ST7: variants seen among roughly 807,000 people sequenced by gnomAD.
The protein encoded by ST7 is suppressor of tumorigenicity 7 protein.
ST7 carries 28 observed loss-of-function variants against 78.7 expected under a neutral mutation model. The observed-to-expected ratio is 0.36, with a 90% CI of 0.26 to 0.49. The LOEUF (loss-of-function observed/expected upper bound fraction) is 0.49. Ranked by LOEUF, ST7 falls within the 20% of genes least tolerant of loss-of-function variation. The pLI, the probability that ST7 is intolerant of heterozygous loss-of-function variation, is 0.99. For missense variants in ST7, 418 were observed against 696.0 expected (o/e 0.60, Z 4.49); for synonymous variants, 247 against 249.6 (o/e 0.99, Z 0.10).
chr7:116,956,893 GCTT>G (rs1237529392), intron 1 of ST7: 5 of 339,162 alleles, frequency 1.5e-5, no homozygotes, highest in Non-Finnish European at 2.9e-5. Context: ...GGCTGTGAGA[GCTT>G]CTCTTGAATT....
At chr7:116,953,792 C>T (rs564841753) in intron 1 of ST7, 101 bp downstream of exon 1, 1,708 of 812,536 alleles carry the variant, frequency 2.1e-3, no homozygotes, top group Non-Finnish European at 2.4e-3. Context: ...CTCGGGGACG[C>T]GCCGGGGCCC....
At chr7:117,097,908 A>ATATATATATATATATT in intron 1 of ST7, among the ~76,000 whole-genome samples, 8 of 30,004 alleles carry the variant, frequency 2.7e-4, no homozygotes, top group Admixed American at 5.5e-4. Flanking sequence ...ATATATATAT[A>ATATATATATATATATT]TTTTTTTTTT....
intron 9 of ST7, among the ~76,000 whole-genome samples, chr7:117,156,886 G>T (rs1281515563): frequency 6.6e-6 from 1 of 152,144 alleles, no homozygotes; most frequent in Non-Finnish European, 1.5e-5. Context: ...AGTATGTTAT[G>T]GTCAGAGCAT....
intron 1 of ST7, chr7:116,959,121 G>A: frequency 2.2e-6 from 1 of 456,806 alleles, no homozygotes; most frequent in Non-Finnish European, 4.4e-6. Flanking sequence ...TGAAGTTTAT[G>A]TAATATTCTA....
At chr7:116,984,735 CAG>C (rs1292374107) in intron 1 of ST7, among the ~76,000 whole-genome samples, 2 of 152,114 alleles carry the variant, frequency 1.3e-5, no homozygotes, top group Non-Finnish European at 2.9e-5. Flanking sequence ...AACACATGTG[CAG>C]AGTCAGTGCT....
chr7:117,139,148 T>C (rs1805055130), intron 9 of ST7, among the ~76,000 whole-genome samples: 1 of 152,172 alleles, frequency 6.6e-6, no homozygotes, highest in African/African-American at 2.4e-5. Context: ...GTTATTATTA[T>C]GTAACTTTAA....
chr7:116,976,196 G>A (rs971351733), intron 1 of ST7, among the ~76,000 whole-genome samples: 3 of 152,054 alleles, frequency 2.0e-5, no homozygotes, highest in Non-Finnish European at 4.4e-5. Flanking sequence ...CCCAGGAGAC[G>A]GAGTTTGCAG....
intron 3 of ST7, among the ~76,000 whole-genome samples, chr7:117,120,398 C>T (rs1307066314): frequency 6.6e-6 from 1 of 152,212 alleles, no homozygotes; most frequent in African/African-American, 2.4e-5. Flanking sequence ...CACATCACTC[C>T]TCTGCTTAAA....
chr7:116,958,340 A>G (rs1441991526), intron 1 of ST7, among the ~76,000 whole-genome samples: 1 of 152,034 alleles, frequency 6.6e-6, no homozygotes, highest in East Asian at 1.9e-4. Flanking sequence ...TCATGAATAC[A>G]GATGTAAAAC....
At chr7:117,148,138 C>T (rs1052423191) in intron 9 of ST7, among the ~76,000 whole-genome samples, 1 of 152,082 alleles carries the variant, frequency 6.6e-6, no homozygotes, top group Non-Finnish European at 1.5e-5. Context: ...TATTCACCTC[C>T]AACTGTTTAT....
intron 15 of ST7, chr7:117,222,909 A>C (rs1382919611): frequency 6.2e-7 from 1 of 1,614,050 alleles, no homozygotes; most frequent in Non-Finnish European, 8.5e-7. Context: ...GAATTGCAAG[A>C]GTATTTTCAT....
chr7:116,975,199 G>C (rs748336171), intron 1 of ST7, among the ~76,000 whole-genome samples: 1 of 152,138 alleles, frequency 6.6e-6, no homozygotes, highest in Non-Finnish European at 1.5e-5. Context: ...GCAAGAGAGC[G>C]TGTGCAGGGG....
chr7:117,075,641 A>G (rs539083698), intron 1 of ST7, among the ~76,000 whole-genome samples: 17 of 152,318 alleles, frequency 1.1e-4, no homozygotes, highest in South Asian at 2.1e-4. Flanking sequence ...CCAGTGTGAA[A>G]AAAGAGAGCT....
At chr7:117,223,945 A>G (rs1793281612) in intron 15 of ST7, 1 of 975,660 alleles carries the variant, frequency 1.0e-6, no homozygotes, top group African/African-American at 1.8e-5. Context: ...ATCAATGGAA[A>G]AATCAGATAC....
In ST7 at chr7:116,965,829, G is replaced by A. The variant is rs140912634; in HGVS notation, c.151+12138G>A. The A allele has an allele frequency of 1.2e-3, 201 of 168,408 alleles. 6 individuals carry two copies. The East Asian group carries it at 0.031, about 26-fold the overall frequency. 10.4% of individuals were successfully genotyped at this position (168,408 alleles called of 1,614,324 possible). ...GAGAACCTAAATTCAAAGTTTGCAT[G>A]AAATATGGTCAGCTGCTAAGATGAA... On this transcript the variant is annotated intron_variant, in intron 1 of 15. Transcript: ENST00000323984.
chr7:117,112,293 T>C (rs996719184), intron 2 of ST7: 2 of 152,186 alleles, frequency 1.3e-5, no homozygotes, highest in Non-Finnish European at 2.9e-5. Flanking sequence ...AGGAATGAGT[T>C]ATAACAAAAG....
chr7:117,121,476 A>G (rs896410426), intron 3 of ST7, among the ~76,000 whole-genome samples: 1 of 152,244 alleles, frequency 6.6e-6, no homozygotes, highest in Non-Finnish European at 1.5e-5. Context: ...AACAAAATTT[A>G]TGTATACACT....
chr7:117,138,521 A>C lies in ST7; in HGVS notation c.952A>C (p.Met318Leu). The change falls in exon 9 of 16, where the codon ATG becomes CTG. Residue 318 changes from methionine (M) to leucine (L), a missense_variant. This residue lies in a region of ST7 where 288 missense variants were observed against 537.1 expected (regional missense o/e 0.54). Coordinates refer to ENST00000323984, the MANE Select transcript of ST7 (RefSeq NM_001369598.1). ...RLGRTREAVK[M>L]MRDLMKEFPL... is the part of the protein sequence containing the mutation. ...CGGGAGGACCAGGGAAGCAGTGAAAATGATGAGAGATGTGAGTTTGAGTTT... is the reference window on the plus strand; with the variant it reads ...CGGGAGGACCAGGGAAGCAGTGAAACTGATGAGAGATGTGAGTTTGAGTTT... 1.2e-6 allele frequency: 2 copies of C among 1,601,324 alleles called. No individual in the cohort carries two copies. Among genetic ancestry groups the C allele is most frequent in the South Asian group, 2.2e-5 (2 of 89,064 alleles).
At chr7:117,153,282 A>T (rs1023567902) in intron 9 of ST7, among the ~76,000 whole-genome samples, 69 of 152,204 alleles carry the variant, frequency 4.5e-4, no homozygotes, top group African/African-American at 1.6e-3. Context: ...TAGATCTGCT[A>T]AACCTATGGG....
Sources: allele counts gnomAD v4.1 joint callset (sites outside exome capture counted in the v4.1 genomes callset), GRCh38; gene constraint gnomAD v4.1.1; regional missense constraint gnomAD v4.1.1; transcripts MANE v1.5; gene names NCBI Gene and HGNC (gene_info 2026-07-23, HGNC 2026-07-21).